The following BRAF variants were observed in gnomAD, a reference collection of about 807,000 sequenced individuals.
The protein encoded by BRAF is B-Raf proto-oncogene, serine/threonine kinase.
In BRAF, 16 loss-of-function variants were observed where a neutral mutation model predicts 104.6. That is an observed-to-expected ratio of 0.15 (90% CI 0.10 to 0.23). BRAF has a LOEUF of 0.23. Ranked by LOEUF, BRAF falls within the 10% of genes least tolerant of loss-of-function variation. The pLI, the probability that BRAF is intolerant of heterozygous loss-of-function variation, is 1.00. For missense variants in BRAF, 541 were observed against 937.3 expected, an observed-to-expected ratio of 0.58 and a Z score of 5.52; for synonymous variants, 310 against 341.6, an observed-to-expected ratio of 0.91 and a Z score of 1.02.
chr7:140,786,063 A>G lies in BRAF; in HGVS notation c.1178-255T>C, dbSNP rs576267590. Among the ~76,000 whole-genome samples the G allele has an allele frequency of 5.9e-5, 9 of 152,354 alleles. No homozygotes were observed. In the South Asian group the frequency reaches 1.9e-3, roughly 32 times the overall value. ...ACTAAGTTAATTTTGTGATGCTAAC[A>G]TGATGGCAACATTTAAATGCTGGAT... On this transcript the variant is annotated intron_variant, in intron 9 of 19. Coordinates refer to ENST00000644969, the MANE Select transcript of BRAF (RefSeq NM_001374258.1).
At chr7:140,913,362 C>T (rs1817215067) in intron 1 of BRAF, among the ~76,000 whole-genome samples, 2 of 149,574 alleles carry the variant, frequency 1.3e-5, no homozygotes. Context: ...ATAGTAGGCA[C>T]TCAAATATTT....
chr7:140,906,444 T>C (rs1164970455), intron 1 of BRAF, among the ~76,000 whole-genome samples: 1 of 152,208 alleles, frequency 6.6e-6, no homozygotes, highest in Non-Finnish European at 1.5e-5. Context: ...TCAGGCAATC[T>C]GCCCGCCTCA....
chr7:140,750,339 G>A (rs1797686859), intron 16 of BRAF, among the ~76,000 whole-genome samples: 1 of 152,160 alleles, frequency 6.6e-6, no homozygotes, highest in Non-Finnish European at 1.5e-5. Context: ...CTCTGGGTAA[G>A]GCAGGCATCT....
At chr7:140,747,295 G>T (rs932510498) in intron 17 of BRAF, 2 of 801,022 alleles carry the variant, frequency 2.5e-6, no homozygotes, top group Non-Finnish European at 1.6e-6. Context: ...TACTTAACTT[G>T]GTTTCAGACT....
At chr7:140,781,437 G>A in intron 12 of BRAF, 139 bp downstream of exon 11, 1 of 862,584 alleles carries the variant, frequency 1.2e-6, no homozygotes, top group Non-Finnish European at 1.9e-6. Context: ...AGAAACTTTT[G>A]GAGGAGTCCT....
At chr7:140,806,959 A>G (rs1803717080) in intron 5 of BRAF, among the ~76,000 whole-genome samples, 1 of 152,210 alleles carries the variant, frequency 6.6e-6, no homozygotes, top group South Asian at 2.1e-4. Context: ...AAAGGGTAGC[A>G]GTAATTATCC....
chr7:140,921,122 A>G (rs1818177353), intron 1 of BRAF, among the ~76,000 whole-genome samples: 1 of 152,236 alleles, frequency 6.6e-6, no homozygotes, highest in South Asian at 2.1e-4. Context: ...TTCTAATGCA[A>G]TTGTGAGAAG....
intron 15 of BRAF, 112 bp downstream of exon 14, chr7:140,754,075 T>G: frequency 9.0e-7 from 1 of 1,105,302 alleles, no homozygotes; most frequent in Non-Finnish European, 1.4e-6. Context: ...TAATTCTCTT[T>G]ACAGTATATC....
At chr7:140,895,021 C>A (rs1814719453) in intron 1 of BRAF, among the ~76,000 whole-genome samples, 1 of 152,142 alleles carries the variant, frequency 6.6e-6, no homozygotes, top group Non-Finnish European at 1.5e-5. Context: ...CATGGAACAG[C>A]TCAGAGAGGT....
At chr7:140,812,168 G>A (rs1027364267) in intron 3 of BRAF, among the ~76,000 whole-genome samples, 1 of 151,364 alleles carries the variant, frequency 6.6e-6, no homozygotes, top group Admixed American at 6.6e-5. Flanking sequence ...ACCTGTGTGT[G>A]TGTGTGTGTG....
chr7:140,910,831 C>T (rs1176412205), intron 1 of BRAF, among the ~76,000 whole-genome samples: 1 of 152,038 alleles, frequency 6.6e-6, no homozygotes, highest in African/African-American at 2.4e-5. Context: ...TGCCACCACA[C>T]TCAGCTAATT....
At chr7:140,898,706 C>T (rs1253638523) in intron 1 of BRAF, among the ~76,000 whole-genome samples, 2 of 152,222 alleles carry the variant, frequency 1.3e-5, no homozygotes, top group Non-Finnish European at 2.9e-5. Context: ...TCCACTTTCT[C>T]TCCTCCCTGA....
intron 19 of BRAF, chr7:140,731,838 A>G (rs1031931691): frequency 6.6e-6 from 1 of 152,206 alleles, no homozygotes; most frequent in African/African-American, 2.4e-5. Flanking sequence ...TTTAAAATGC[A>G]AAACAAATTT....
chr7:140,834,556 C>G, intron 3 of BRAF, 53 bp downstream of exon 3: 1 of 1,599,666 alleles, frequency 6.3e-7, no homozygotes, highest in Non-Finnish European at 8.6e-7. Flanking sequence ...AACAACTGAT[C>G]TGTCTGAAAA....
At position 140,845,824 on chromosome 7, in the gene BRAF, C is replaced by T. The variant is rs754142574; in HGVS notation, c.240+4287G>A. ...TCCTGAATTGCTGGGATTACAGGTG[C>T]GCACCACTACACACACCTGAAATTT... On this transcript the variant is annotated intron_variant, in intron 2 of 19. Coordinates refer to ENST00000644969, the MANE Select transcript of BRAF (RefSeq NM_001374258.1). Among the ~76,000 whole-genome samples, 26 of 152,070 alleles carry T rather than the reference C, an allele frequency of 1.7e-4. 1 individual carries two copies. The highest frequency in any genetic ancestry group is 4.2e-4 in the South Asian group (2 of 4,808).
chr7:140,756,816 C>T (rs940637451), intron 14 of BRAF, among the ~76,000 whole-genome samples: 1 of 152,172 alleles, frequency 6.6e-6, no homozygotes, highest in African/African-American at 2.4e-5. Context: ...CAGTCTCATT[C>T]CTTGAAGAAA....
intron 2 of BRAF, among the ~76,000 whole-genome samples, chr7:140,849,755 T>C (rs542674024): frequency 2.2e-4 from 34 of 152,024 alleles, no homozygotes; most frequent in African/African-American, 6.8e-4. Context: ...GAGGTTGTAG[T>C]GAGCTGAGAT....
At chr7:140,907,918 T>C (rs1816515810) in intron 1 of BRAF, among the ~76,000 whole-genome samples, 1 of 152,100 alleles carries the variant, frequency 6.6e-6, no homozygotes, top group South Asian at 2.1e-4. Context: ...CTAATCTTTG[T>C]ATTTTTAGTA....
chr7:140,806,923 G>C (rs986959474), intron 5 of BRAF, among the ~76,000 whole-genome samples: 1 of 152,032 alleles, frequency 6.6e-6, no homozygotes, highest in African/African-American at 2.4e-5. Context: ...TAATCACCAA[G>C]ACACATGGGA....
Sources: allele counts gnomAD v4.1 joint callset (sites outside exome capture counted in the v4.1 genomes callset), GRCh38; gene constraint gnomAD v4.1.1; transcripts MANE v1.5; gene names NCBI Gene and HGNC (gene_info 2026-07-23, HGNC 2026-07-21).